The following ARRDC5 variants were observed in gnomAD, a reference collection of about 807,000 sequenced individuals.
ARRDC5 encodes the protein arrestin domain containing 5.
A neutral mutation model predicts 13.3 loss-of-function variants in ARRDC5; 12 were observed. That is an observed-to-expected ratio of 0.90 (90% CI 0.58 to 1.46). The LOEUF (loss-of-function observed/expected upper bound fraction) is 1.46. Ranked by LOEUF, ARRDC5 falls within the 40% of genes most tolerant of loss-of-function variation. ARRDC5 has a pLI of 0.00. For missense variants in ARRDC5, 406 were observed against 418.7 expected, an observed-to-expected ratio of 0.97 and a Z score of 0.26; for synonymous variants, 181 against 173.4, an observed-to-expected ratio of 1.04 and a Z score of -0.34.
chr19:4,899,050 T>C (rs7247772), intron 1 of ARRDC5, among the ~76,000 whole-genome samples: 51,426 of 151,484 alleles, frequency 0.34, 9,424 homozygotes, highest in Middle Eastern at 0.48. Context: ...TGGCTCACAC[T>C]TGTCATCCCA....
chr19:4,893,726 C>CAA (rs61307077), intron 2 of ARRDC5, among the ~76,000 whole-genome samples: 58 of 56,804 alleles, frequency 1.0e-3, no homozygotes, highest in East Asian at 3.2e-3. Flanking sequence ...ACCCTGTCTC[C>CAA]AAAAAAAAAA....
upstream of ARRDC5, chr19:4,903,593 C>T (rs1210860513): frequency 6.6e-6 from 1 of 150,968 alleles, no homozygotes; most frequent in East Asian, 1.9e-4. Flanking sequence ...ACCTCTGCCT[C>T]CTGGGTTCCA....
At chr19:4,895,133 C>T (rs1299855501) in intron 2 of ARRDC5, among the ~76,000 whole-genome samples, 1 of 150,976 alleles carries the variant, frequency 6.6e-6, no homozygotes, top group Non-Finnish European at 1.5e-5. Context: ...TTTTTAATAG[C>T]GGTACCGGCT....
At chr19:4,916,579 TC>T in the ARRDC5 span, among the ~76,000 whole-genome samples, 1 of 152,076 alleles carries the variant, frequency 6.6e-6, no homozygotes, top group Non-Finnish European at 1.5e-5. Flanking sequence ...AGGGCAGAGT[TC>T]CGCTGTCACT....
chr19:4,896,667 G>C lies in ARRDC5; in HGVS notation c.459+4C>G. On this transcript the variant is annotated splice_donor_region_variant and intron_variant, in intron 2 of 2. Transcript: ENST00000650722. ...TCCCACCTCCACCTTTCCCCCATCG[G>C]TACCTGGAATGGGGTTTCTTTGTGG... 6.2e-7 allele frequency: 1 copy of C among 1,603,258 alleles called. No homozygotes were observed. Among genetic ancestry groups the C allele is most frequent in the Non-Finnish European group, 8.5e-7 (1 of 1,170,558 alleles).
intron 1 of ARRDC5, among the ~76,000 whole-genome samples, chr19:4,902,315 G>C (rs766411948): frequency 9.9e-5 from 15 of 152,206 alleles, no homozygotes; most frequent in Non-Finnish European, 2.2e-4. Context: ...GCAGTTGTTG[G>C]ATTGAGCATT....
At chr19:4,910,852 G>A in the ARRDC5 span, 3 of 1,583,428 alleles carry the variant, frequency 1.9e-6, no homozygotes, top group Non-Finnish European at 2.6e-6. Context: ...AACTGATGGG[G>A]GTTTTTGCTG....
intron 1 of ARRDC5, among the ~76,000 whole-genome samples, chr19:4,898,816 G>A (rs1394678989): frequency 6.6e-6 from 1 of 151,580 alleles, no homozygotes; most frequent in Non-Finnish European, 1.5e-5. Flanking sequence ...TCATAGAGAT[G>A]GGGTTTTGCC....
intron 1 of ARRDC5, among the ~76,000 whole-genome samples, chr19:4,899,244 G>A (rs1217277035): frequency 2.6e-5 from 4 of 151,740 alleles, no homozygotes; most frequent in Non-Finnish European, 4.4e-5. Flanking sequence ...CCCGGGAGGC[G>A]GAGCTTGCAG....
upstream of ARRDC5, among the ~76,000 whole-genome samples, chr19:4,905,812 C>G (rs938659120): frequency 6.6e-6 from 1 of 152,112 alleles, no homozygotes; most frequent in Non-Finnish European, 1.5e-5. Flanking sequence ...CCACTGTGCC[C>G]GGCCAGTGTT....
At chr19:4,914,590 A>G in the ARRDC5 span, among the ~76,000 whole-genome samples, 1 of 151,444 alleles carries the variant, frequency 6.6e-6, no homozygotes, top group African/African-American at 2.4e-5. Context: ...GATCGAGGGC[A>G]GTGACTTTGG....
chr19:4,908,740 A>G, the ARRDC5 span, among the ~76,000 whole-genome samples: 1 of 152,072 alleles, frequency 6.6e-6, no homozygotes, highest in Non-Finnish European at 1.5e-5. Flanking sequence ...TTAGTTATTC[A>G]TTTCTTGCCT....
At chr19:4,891,845 C>T (rs368409370) in intron 2 of ARRDC5, among the ~76,000 whole-genome samples, 3 of 151,570 alleles carry the variant, frequency 2.0e-5, no homozygotes, top group African/African-American at 7.3e-5. Flanking sequence ...ATCCCAGCTA[C>T]TCAGGAGGCT....
At chr19:4,904,937 C>G (rs534316410), upstream of ARRDC5, among the ~76,000 whole-genome samples, 4 of 152,194 alleles carry the variant, frequency 2.6e-5, no homozygotes, top group African/African-American at 7.2e-5. Context: ...TACCCATTCT[C>G]TAGCCTGGCA....
At chr19:4,899,243 C>A (rs887636506) in intron 1 of ARRDC5, among the ~76,000 whole-genome samples, 1 of 151,408 alleles carries the variant, frequency 6.6e-6, no homozygotes, top group Non-Finnish European at 1.5e-5. Flanking sequence ...ACCCGGGAGG[C>A]GGAGCTTGCA....
chr19:4,896,474 C>T (rs2031738604), intron 2 of ARRDC5, among the ~76,000 whole-genome samples, 197 bp downstream of exon 2: 1 of 150,036 alleles, frequency 6.7e-6, no homozygotes, highest in Non-Finnish European at 1.5e-5. Flanking sequence ...GTGGTGCAAA[C>T]ATGGCTTACT....
At chr19:4,897,533 G>A (rs1045632381) in intron 1 of ARRDC5, among the ~76,000 whole-genome samples, 1 of 151,314 alleles carries the variant, frequency 6.6e-6, no homozygotes, top group African/African-American at 2.4e-5. Context: ...TTTTCTTTTT[G>A]TAGGGACAAA....
chr19:4,897,107 C>T (rs2031763951), intron 1 of ARRDC5, among the ~76,000 whole-genome samples: 1 of 152,112 alleles, frequency 6.6e-6, no homozygotes, highest in South Asian at 2.1e-4. Context: ...CAGGCGTGCA[C>T]CACCACACCT....
chr19:4,901,528 C>A (rs987985877), intron 1 of ARRDC5, among the ~76,000 whole-genome samples: 1 of 151,546 alleles, frequency 6.6e-6, no homozygotes, highest in Non-Finnish European at 1.5e-5. Context: ...GCAGGAGAAT[C>A]GTTTGAACCC....
Sources: gnomAD v4.1 joint callset for allele counts (sites outside exome capture counted in the v4.1 genomes callset) on GRCh38, gnomAD v4.1.1 for gene constraint, MANE v1.5 for transcripts, NCBI Gene and HGNC (gene_info 2026-07-23, HGNC 2026-07-21) for gene names.